NBAS: variants seen among roughly 807,000 people sequenced by gnomAD.
NBAS encodes the protein NAG/BC035112 fusion.
A neutral mutation model predicts 302.5 loss-of-function variants in NBAS; 219 were observed. The observed-to-expected ratio is 0.72, with a 90% CI of 0.65 to 0.81. The LOEUF (loss-of-function observed/expected upper bound fraction) is 0.81. NBAS is among the 30% of genes least tolerant of loss of function. NBAS has a pLI of 0.00. For missense variants in NBAS, 2,932 were observed against 2,841.6 expected (o/e 1.03, Z -0.72); for synonymous variants, 1,118 against 1,021.6 (o/e 1.09, Z -1.80).
chr2:15,246,650 A>C (rs76538957), intron 44 of NBAS, among the ~76,000 whole-genome samples: 3,777 of 152,340 alleles, frequency 0.025, 66 homozygotes, highest in Non-Finnish European at 0.035. Context: ...TGAAACAAAG[A>C]AACAAAAAAC....
intron 35 of NBAS, among the ~76,000 whole-genome samples, chr2:15,332,508 C>T (rs1238343794): frequency 1.3e-5 from 2 of 151,832 alleles, no homozygotes; most frequent in Non-Finnish European, 2.9e-5. Flanking sequence ...TTTAGGGTTG[C>T]CCATACGTAT....
At chr2:14,906,048 C>T in the NBAS span, among the ~76,000 whole-genome samples, 338 of 152,274 alleles carry the variant, frequency 2.2e-3, 2 homozygotes, top group African/African-American at 7.7e-3. Context: ...ATTCCCACTC[C>T]GTAATTCAAT....
At chr2:14,967,987 G>C in the NBAS span, among the ~76,000 whole-genome samples, 2 of 152,156 alleles carry the variant, frequency 1.3e-5, no homozygotes, top group African/African-American at 4.8e-5. Flanking sequence ...GCATGTGTGT[G>C]AGAACCTCCC....
chr2:15,466,800 G>C (rs1179849910), intron 19 of NBAS, among the ~76,000 whole-genome samples: 1 of 152,028 alleles, frequency 6.6e-6, no homozygotes, highest in Non-Finnish European at 1.5e-5. Context: ...TGCCATGTGT[G>C]GTGGCATGTG....
chr2:15,074,868 C>T, the NBAS span, among the ~76,000 whole-genome samples: 2 of 152,172 alleles, frequency 1.3e-5, no homozygotes, highest in Non-Finnish European at 2.9e-5. Flanking sequence ...TGTAAAGATG[C>T]TCAACTGAAC....
intron 50 of NBAS, among the ~76,000 whole-genome samples, chr2:15,186,036 C>T (rs1665059432): frequency 6.6e-6 from 1 of 151,554 alleles, no homozygotes; most frequent in South Asian, 2.1e-4. Flanking sequence ...TTAATATGTG[C>T]TTACTTTAGA....
At chr2:15,173,412 A>G (rs1310815118) in intron 51 of NBAS, among the ~76,000 whole-genome samples, 1 of 152,224 alleles carries the variant, frequency 6.6e-6, no homozygotes, top group Non-Finnish European at 1.5e-5. Flanking sequence ...TTTGCTTTCA[A>G]GATTATTTAA....
At chr2:15,403,273 C>T (rs781373842) in intron 25 of NBAS, among the ~76,000 whole-genome samples, 1 of 151,966 alleles carries the variant, frequency 6.6e-6, no homozygotes. Flanking sequence ...CATCAATGGA[C>T]GTAAAAAAGA....
chr2:15,387,146 C>A (rs1675340463), intron 28 of NBAS, among the ~76,000 whole-genome samples: 1 of 149,226 alleles, frequency 6.7e-6, no homozygotes, highest in African/African-American at 2.5e-5. Context: ...CAGCTCATTG[C>A]AAGCTCTGCC....
chr2:14,956,227 G>A, the NBAS span, among the ~76,000 whole-genome samples: 1 of 152,168 alleles, frequency 6.6e-6, no homozygotes, highest in Non-Finnish European at 1.5e-5. Context: ...CCTCTGCCTG[G>A]ACTTCATTGT....
At chr2:15,302,022 A>G (rs1204868170) in intron 40 of NBAS, among the ~76,000 whole-genome samples, 1 of 152,232 alleles carries the variant, frequency 6.6e-6, no homozygotes, top group African/African-American at 2.4e-5. Flanking sequence ...GGGAAAATAC[A>G]GAAGTAAATA....
At chr2:15,543,005 T>A (rs1663925216) in intron 6 of NBAS, among the ~76,000 whole-genome samples, 1 of 152,248 alleles carries the variant, frequency 6.6e-6, no homozygotes, top group African/African-American at 2.4e-5. Context: ...AAAGACTTTA[T>A]CACTGGATTT....
At chr2:14,973,469 G>A in the NBAS span, among the ~76,000 whole-genome samples, 1 of 152,140 alleles carries the variant, frequency 6.6e-6, no homozygotes, top group Non-Finnish European at 1.5e-5. Context: ...CATTCCACCT[G>A]ACTCAAAATA....
At chr2:15,044,442 GT>G in the NBAS span, among the ~76,000 whole-genome samples, 2 of 152,174 alleles carry the variant, frequency 1.3e-5, no homozygotes, top group African/African-American at 4.8e-5. Flanking sequence ...TATTAATGAG[GT>G]TTTTCATAAG....
At chr2:15,286,418 A>G (rs1670045849) in intron 42 of NBAS, among the ~76,000 whole-genome samples, 1 of 152,216 alleles carries the variant, frequency 6.6e-6, no homozygotes, top group Non-Finnish European at 1.5e-5. Flanking sequence ...TATTCTTAGG[A>G]AGAAGTCAAA....
chr2:15,114,282 G>C, the NBAS span, among the ~76,000 whole-genome samples: 4 of 152,132 alleles, frequency 2.6e-5, no homozygotes, highest in Non-Finnish European at 4.4e-5. Context: ...AATGTTGGCA[G>C]GATTGGTTTC....
the NBAS span, among the ~76,000 whole-genome samples, chr2:15,102,933 TC>T: frequency 6.7e-6 from 1 of 149,754 alleles, no homozygotes; most frequent in Non-Finnish European, 1.5e-5. Context: ...CCAAAATTTG[TC>T]AGGGTATACA....
intron 38 of NBAS, among the ~76,000 whole-genome samples, chr2:15,314,042 T>C (rs1289420683): frequency 6.6e-6 from 1 of 152,066 alleles, no homozygotes; most frequent in African/African-American, 2.4e-5. Context: ...CTGTAAACTC[T>C]AGATAAAATA....
intron 50 of NBAS, among the ~76,000 whole-genome samples, chr2:15,182,549 C>A (rs1664877634): frequency 6.6e-6 from 1 of 152,160 alleles, no homozygotes; most frequent in Non-Finnish European, 1.5e-5. Flanking sequence ...ATACAATAGA[C>A]CCCAAGCATC....
Sources: allele counts gnomAD v4.1 joint callset (sites outside exome capture counted in the v4.1 genomes callset), GRCh38; gene constraint gnomAD v4.1.1; transcripts MANE v1.5; gene names NCBI Gene and HGNC (gene_info 2026-07-23, HGNC 2026-07-21).